Variants in ESRRG observed in about 807,000 individuals in gnomAD.
ESRRG encodes the protein estrogen-related receptor gamma.
Under a neutral mutation model 44.0 loss-of-function variants are expected in ESRRG, and 13 were observed. That is an observed-to-expected ratio of 0.30 (90% CI 0.19 to 0.47). The LOEUF is 0.47. Among genes scored for constraint, ESRRG ranks in the 20% least tolerant of loss-of-function variants. ESRRG has a pLI of 1.00. For missense variants in ESRRG, 395 were observed against 580.6 expected (o/e 0.68, Z 3.29); for synonymous variants, 215 against 214.6 (o/e 1.00, Z -0.02).
rs553712316 is a variant in ESRRG at position 216,688,341 on chromosome 1, CGAGA to C, written c.57-10854_57-10851del. ...TATACCCGTCTATCAAGTGCACGAA[CGAGA>C]GACAGAGAGAACAGAGGCAAGCTGC... On this transcript the variant is annotated intron_variant, in intron 1 of 6. Coordinates refer to ENST00000408911, the MANE Select transcript of ESRRG (RefSeq NM_001438.4). 3.3e-5 allele frequency among the ~76,000 whole-genome samples: 5 copies of C among 152,254 alleles called. 1 individual carries two copies. The East Asian group carries it at 9.7e-4, about 29-fold the overall frequency.
At chr1:216,710,508 A>C (rs1296442432) in intron 1 of ESRRG, among the ~76,000 whole-genome samples, 1 of 152,200 alleles carries the variant, frequency 6.6e-6, no homozygotes, top group Admixed American at 6.5e-5. Context: ...TACATTCCTG[A>C]GCTTTTTATG....
At chr1:216,949,426 C>A (rs1578538177) in intron 1 of ESRRG, among the ~76,000 whole-genome samples, 1 of 152,116 alleles carries the variant, frequency 6.6e-6, no homozygotes. Context: ...GAGATCATTA[C>A]CCCTCTCCTG....
intron 1 of ESRRG, among the ~76,000 whole-genome samples, chr1:217,039,478 G>C (rs1474371084): frequency 6.6e-6 from 1 of 152,160 alleles, no homozygotes; most frequent in Non-Finnish European, 1.5e-5. Flanking sequence ...TATGTGGATG[G>C]CAGCAGGCAA....
intron 3 of ESRRG, among the ~76,000 whole-genome samples, chr1:216,584,026 A>G (rs2063289277): frequency 6.6e-6 from 1 of 152,180 alleles, no homozygotes; most frequent in South Asian, 2.1e-4. Context: ...CAGCCAAACC[A>G]TATCACCATG....
chr1:216,550,627 C>A (rs2056013132), intron 5 of ESRRG, among the ~76,000 whole-genome samples: 1 of 152,124 alleles, frequency 6.6e-6, no homozygotes, highest in Non-Finnish European at 1.5e-5. Context: ...CTGAACTGTG[C>A]TGTTGCCGGA....
intron 2 of ESRRG, among the ~76,000 whole-genome samples, chr1:216,933,078 A>G (rs2063609500): frequency 6.6e-6 from 1 of 152,090 alleles, no homozygotes; most frequent in Non-Finnish European, 1.5e-5. Context: ...TTGAAATAGG[A>G]TAACAGCAAC....
At chr1:216,690,657 G>T (rs1167589592) in intron 1 of ESRRG, among the ~76,000 whole-genome samples, 1 of 152,124 alleles carries the variant, frequency 6.6e-6, no homozygotes, top group Non-Finnish European at 1.5e-5. Context: ...TAATAACTAT[G>T]CATTACCAGA....
intron 4 of ESRRG, among the ~76,000 whole-genome samples, chr1:216,566,876 T>C (rs1255768806): frequency 6.6e-6 from 1 of 152,240 alleles, no homozygotes; most frequent in East Asian, 1.9e-4. Flanking sequence ...GCTTTAATTT[T>C]ATGTAAAACT....
chr1:216,889,341 A>G (rs11572534), intron 2 of ESRRG, among the ~76,000 whole-genome samples: 1 of 152,176 alleles, frequency 6.6e-6, no homozygotes, highest in Admixed American at 6.5e-5. Flanking sequence ...GTTTTTGCAC[A>G]TGCTAGGCAC....
chr1:216,726,099 A>G (rs2087463289), upstream of ESRRG, among the ~76,000 whole-genome samples: 1 of 152,198 alleles, frequency 6.6e-6, no homozygotes, highest in Non-Finnish European at 1.5e-5. Flanking sequence ...CTGTGCTCAC[A>G]GAGATACATG....
chr1:216,899,320 T>C (rs2058789650), intron 2 of ESRRG, among the ~76,000 whole-genome samples: 1 of 152,144 alleles, frequency 6.6e-6, no homozygotes, highest in African/African-American at 2.4e-5. Context: ...ATAGACAATG[T>C]TGACGATGTT....
chr1:217,122,289 AT>A (rs2092829562), intron 1 of ESRRG, among the ~76,000 whole-genome samples: 1 of 152,210 alleles, frequency 6.6e-6, no homozygotes, highest in South Asian at 2.1e-4. Context: ...ACTAATATAA[AT>A]TAGCATGTAG....
At chr1:216,529,809 T>A (rs998194756) in intron 5 of ESRRG, among the ~76,000 whole-genome samples, 3 of 152,086 alleles carry the variant, frequency 2.0e-5, no homozygotes, top group African/African-American at 7.2e-5. Context: ...TTAAAAGAAA[T>A]TTATAATTAG....
chr1:216,814,841 A>G (rs1559740316), intron 2 of ESRRG, among the ~76,000 whole-genome samples: 1 of 152,212 alleles, frequency 6.6e-6, no homozygotes, highest in Non-Finnish European at 1.5e-5. Flanking sequence ...TTTCCCCAAG[A>G]ACGTAAAACT....
rs1251736071 is a variant in ESRRG, at chr1:216,855,812, C to T, written c.-14+83770G>A. Among the ~76,000 whole-genome samples, 3 of 152,302 alleles carry T rather than the reference C, an allele frequency of 2.0e-5. No individual in the cohort carries two copies. In the East Asian group the frequency reaches 5.8e-4, roughly 29 times the overall value. On this transcript the variant is annotated intron_variant, in intron 2 of 7. Transcript: ENST00000359162. Reference sequence around the variant, plus strand: ...CGACACGCCTTGTGACAGTTCCCCGCTTGAAAATGCAGTTGTGCAAAGGAC... The same window carrying T: ...CGACACGCCTTGTGACAGTTCCCCGTTTGAAAATGCAGTTGTGCAAAGGAC...
intron 2 of ESRRG, among the ~76,000 whole-genome samples, chr1:216,807,857 G>T (rs1019869643): frequency 5.9e-5 from 9 of 152,110 alleles, no homozygotes; most frequent in Non-Finnish European, 5.9e-5. Context: ...CTTTCTTGGT[G>T]CCAAGTATAG....
intron 2 of ESRRG, among the ~76,000 whole-genome samples, chr1:216,833,219 TA>T (rs113601574): frequency 0.22 from 33,098 of 150,840 alleles, 4,159 homozygotes; most frequent in African/African-American, 0.33. Flanking sequence ...GCATATTTTC[TA>T]AAAAAAAACA....
intron 2 of ESRRG, among the ~76,000 whole-genome samples, chr1:216,823,418 G>T (rs2095335521): frequency 6.6e-6 from 1 of 152,068 alleles, no homozygotes; most frequent in African/African-American, 2.4e-5. Context: ...TTTTCTTTGT[G>T]TTTAGGAAGA....
At chr1:216,800,449 C>T (rs532057561) in intron 2 of ESRRG, among the ~76,000 whole-genome samples, 30 of 152,124 alleles carry the variant, frequency 2.0e-4, no homozygotes, top group African/African-American at 6.7e-4. Flanking sequence ...CACATAAGAC[C>T]GCTTAAGAAA....
Sources: gnomAD v4.1 joint callset for allele counts (sites outside exome capture counted in the v4.1 genomes callset) on GRCh38, gnomAD v4.1.1 for gene constraint, MANE v1.5 for transcripts, NCBI Gene and HGNC (gene_info 2026-07-23, HGNC 2026-07-21) for gene names.